DPYSL2: variants seen among roughly 807,000 people sequenced by gnomAD.
DPYSL2 encodes dihydropyrimidinase-related protein 2.
DPYSL2 carries 13 observed loss-of-function variants against 69.9 expected under a neutral mutation model. The ratio of observed to expected loss-of-function variants is 0.19; its 90% CI spans 0.12 to 0.30. The LOEUF (loss-of-function observed/expected upper bound fraction) is 0.30, where lower values mean the gene tolerates loss of function less well. DPYSL2 is among the 10% of genes least tolerant of loss of function. DPYSL2 has a pLI of 1.00. For synonymous variants in DPYSL2, 326 were observed against 359.1 expected (o/e 0.91, Z 1.04); for missense variants, 587 against 918.9 (o/e 0.64, Z 4.67).
rs928119559 is a variant in DPYSL2, at chr8:26,586,941, C to T, written c.628+2958C>T. The stretch of plus-strand genomic sequence containing the variant: ...GGTTAGCATTGTGACCCCCAAATGC[C>T]ATTGCTTTTATAGCCTGAGAAAAGT... On this transcript the variant is annotated intron_variant, in intron 3 of 13. Coordinates refer to ENST00000521913, the MANE Select transcript of DPYSL2 (RefSeq NM_001197293.3). The surrounding 1 kb of genome is among the most constrained non-coding windows in gnomAD (Gnocchi z 4.7). 2.0e-5 allele frequency among the ~76,000 whole-genome samples: 3 copies of T among 152,206 alleles called. No homozygotes were observed. The highest frequency in any genetic ancestry group is 7.2e-5 in the African/African-American group (3 of 41,446).
At chr8:26,568,450 C>T (rs1368560429) in intron 1 of DPYSL2, among the ~76,000 whole-genome samples, 1 of 152,184 alleles carries the variant, frequency 6.6e-6, no homozygotes, top group Non-Finnish European at 1.5e-5. Context: ...TAAATTCTCA[C>T]TCCTTGAAAA....
chr8:26,601,623 C>G (rs1451561976), intron 3 of DPYSL2, among the ~76,000 whole-genome samples: 1 of 151,862 alleles, frequency 6.6e-6, no homozygotes, highest in Non-Finnish European at 1.5e-5. Context: ...GTGATCCGCC[C>G]GTCTTGGCCT....
intron 2 of DPYSL2, 142 bp from the exon 3 acceptor site, chr8:26,583,657 T>C: frequency 1.3e-6 from 1 of 773,688 alleles, no homozygotes; most frequent in South Asian, 2.2e-5. Flanking sequence ...GTATATAGTG[T>C]TTTATTATGA....
intron 1 of DPYSL2, among the ~76,000 whole-genome samples, chr8:26,561,170 T>C (rs1801064130): frequency 6.6e-6 from 1 of 152,132 alleles, no homozygotes; most frequent in Non-Finnish European, 1.5e-5. Flanking sequence ...TTATATCCAG[T>C]TGCCTCTCAG....
chr8:26,627,974 T>C lies in DPYSL2; in HGVS notation c.1005+34T>C, dbSNP rs749732135. Reference sequence around the variant, plus strand: ...TCACCAAGCGGAATGCGTGAATCAGTGTCCCTTGGGCACTGTGCAGAGCCT... The same window carrying C: ...TCACCAAGCGGAATGCGTGAATCAGCGTCCCTTGGGCACTGTGCAGAGCCT... On this transcript the variant is annotated intron_variant, in intron 7 of 13. Coordinates refer to ENST00000521913, the MANE Select transcript of DPYSL2 (RefSeq NM_001197293.3). The surrounding 1 kb of genome is among the most constrained non-coding windows in gnomAD (Gnocchi z 6.9). 11 of 1,605,950 alleles carry C rather than the reference T, an allele frequency of 6.8e-6. No homozygotes were observed. The highest frequency in any genetic ancestry group is 9.3e-6 in the Non-Finnish European group (11 of 1,176,602).
intron 3 of DPYSL2, among the ~76,000 whole-genome samples, chr8:26,596,823 C>T (rs1374214321): frequency 4.6e-5 from 7 of 152,156 alleles, no homozygotes; most frequent in East Asian, 1.9e-4. Flanking sequence ...GCGAGAGGAA[C>T]GTTTGTTTTG....
chr8:26,615,211 G>A (rs955387605), intron 3 of DPYSL2, among the ~76,000 whole-genome samples: 10 of 152,308 alleles, frequency 6.6e-5, no homozygotes, highest in South Asian at 2.1e-4. Flanking sequence ...GGGCCGTTGC[G>A]AGGATTAAAT....
rs766891580 is a variant in DPYSL2 at position 26,626,763 on chromosome 8, A to T, written c.855+85A>T. 6 of 1,385,316 alleles carry T rather than the reference A, an allele frequency of 4.3e-6. No individual in the cohort carries two copies. In the Admixed American group the frequency reaches 1.1e-4, roughly 25 times the overall value. 85.8% of individuals were successfully genotyped at this position (1,385,316 alleles called of 1,614,324 possible). ...CGTTTGGGAAAGCAGTCTCCGATGT[A>T]TGCATGTTTCCTAGCTTCCTGGGAA... On this transcript the variant is annotated intron_variant, in intron 5 of 13. Coordinates refer to ENST00000521913, the MANE Select transcript of DPYSL2 (RefSeq NM_001197293.3). The surrounding 1 kb of genome is among the most constrained non-coding windows in gnomAD (Gnocchi z 4.3).
At chr8:26,625,786 G>A (rs327226) in intron 4 of DPYSL2, among the ~76,000 whole-genome samples, 12,363 of 152,222 alleles carry the variant, frequency 0.081, 710 homozygotes, top group Admixed American at 0.21. Flanking sequence ...CAACAGACTT[G>A]TTTGGTAGAG....
intron 1 of DPYSL2, among the ~76,000 whole-genome samples, chr8:26,524,731 G>A (rs571292174): frequency 6.8e-6 from 1 of 146,908 alleles, no homozygotes; most frequent in African/African-American, 2.5e-5. Flanking sequence ...GAACCTGGGA[G>A]GCGGAGGTTG....
chr8:26,556,365 G>GTGTATATATATAGTACAC (rs1563385521), intron 1 of DPYSL2, among the ~76,000 whole-genome samples: 1 of 43,706 alleles, frequency 2.3e-5, no homozygotes, highest in Admixed American at 3.9e-4. Flanking sequence ...TATATATATA[G>GTGTATATATATAGTACAC]TATATATATA....
chr8:26,576,216 T>G (rs1376272604), intron 1 of DPYSL2, among the ~76,000 whole-genome samples: 1 of 152,186 alleles, frequency 6.6e-6, no homozygotes, highest in Non-Finnish European at 1.5e-5. Context: ...TTACACCTTC[T>G]CTGAGTCTGG....
chr8:26,642,328 C>T lies in DPYSL2; in HGVS notation c.1127-1111C>T, dbSNP rs1012488020. Among the ~76,000 whole-genome samples the T allele has an allele frequency of 3.9e-5, 6 of 151,918 alleles. No individual in the cohort carries two copies. Among genetic ancestry groups the T allele is most frequent in the African/African-American group, 1.5e-4 (6 of 41,342 alleles). ...TGTGAGACCCGAGTTGTGTTTTGGACGATGTTAAAGGAGGAGATCAGCTTC... is the reference window on the plus strand; with the variant it reads ...TGTGAGACCCGAGTTGTGTTTTGGATGATGTTAAAGGAGGAGATCAGCTTC... On this transcript the variant is annotated intron_variant, in intron 8 of 13. Coordinates refer to ENST00000521913, the MANE Select transcript of DPYSL2 (RefSeq NM_001197293.3). This position sits in a 1 kb window ranked among gnomAD's most constrained non-coding sequence, Gnocchi z 5.3.
At chr8:26,613,335 A>G (rs1802278277) in intron 3 of DPYSL2, among the ~76,000 whole-genome samples, 1 of 152,204 alleles carries the variant, frequency 6.6e-6, no homozygotes, top group African/African-American at 2.4e-5. Context: ...GTCCTCTCCC[A>G]GCAGCCTGGA....
At chr8:26,625,864 G>T (rs924500612) in intron 4 of DPYSL2, among the ~76,000 whole-genome samples, 10 of 152,142 alleles carry the variant, frequency 6.6e-5, no homozygotes, top group Non-Finnish European at 1.2e-4. Flanking sequence ...CCATTTTTAA[G>T]TGTGTGTGCA....
chr8:26,555,937 A>G (rs1296616628), intron 1 of DPYSL2, among the ~76,000 whole-genome samples: 3 of 130,270 alleles, frequency 2.3e-5, no homozygotes, highest in African/African-American at 5.8e-5. Context: ...ATACACATAT[A>G]CTATATATAC....
At chr8:26,567,649 G>A (rs1209133611) in intron 1 of DPYSL2, among the ~76,000 whole-genome samples, 1 of 152,232 alleles carries the variant, frequency 6.6e-6, no homozygotes, top group Non-Finnish European at 1.5e-5. Context: ...GGACCTGAGG[G>A]CTCAGGAATG....
rs1175051440 is a variant in DPYSL2, at chr8:26,565,953, A to T, written c.355-16016A>T. Among the ~76,000 whole-genome samples the T allele has an allele frequency of 6.6e-6, 1 of 152,068 alleles. No individual in the cohort carries two copies. The highest frequency in any genetic ancestry group is 2.4e-5 in the African/African-American group (1 of 41,398). On this transcript the variant is annotated intron_variant, in intron 1 of 13. Coordinates refer to ENST00000521913, the MANE Select transcript of DPYSL2 (RefSeq NM_001197293.3). The surrounding 1 kb of genome is among the most constrained non-coding windows in gnomAD (Gnocchi z 4.1). The stretch of plus-strand genomic sequence containing the variant: ...GAAGAGATGCACTGCGTTGGCTAGA[A>T]CTCTGTCACATCTCACTGCCGATGA...
chr8:26,558,624 C>T (rs984964049), intron 1 of DPYSL2, among the ~76,000 whole-genome samples: 1 of 152,164 alleles, frequency 6.6e-6, no homozygotes, highest in African/African-American at 2.4e-5. Context: ...TGGCTCATCA[C>T]TTGTAACATA....
Sources: gnomAD v4.1 joint callset for allele counts (sites outside exome capture counted in the v4.1 genomes callset) on GRCh38, gnomAD v4.1.1 for gene constraint, Gnocchi (gnomAD v3.1) non-coding constraint, MANE v1.5 for transcripts, NCBI Gene and HGNC (gene_info 2026-07-23, HGNC 2026-07-21) for gene names.